ARHGAP26: variants seen among roughly 807,000 people sequenced by gnomAD.
The protein encoded by ARHGAP26 is Rho GTPase activating protein 26, also known as rho GTPase-activating protein 26.
In ARHGAP26, 38 loss-of-function variants were observed where a neutral mutation model predicts 104.8. The ratio of observed to expected loss-of-function variants is 0.36; its 90% confidence interval spans 0.28 to 0.48. The LOEUF (loss-of-function observed/expected upper bound fraction) is 0.48. ARHGAP26 is among the 20% of genes least tolerant of loss of function. ARHGAP26 has a pLI of 0.99. For missense variants in ARHGAP26, 704 were observed against 947.9 expected (o/e 0.74, Z 3.38); for synonymous variants, 341 against 340.0 (o/e 1.00, Z -0.03).
chr5:142,879,279 A>G, intron 3 of ARHGAP26, 95 bp from the exon 4 acceptor site: 1 of 1,149,568 alleles, frequency 8.7e-7, no homozygotes, highest in Non-Finnish European at 1.3e-6. Context: ...ATTTTATTTT[A>G]AGACATGGGG....
At chr5:143,132,874 A>C (rs555805481) in intron 18 of ARHGAP26, among the ~76,000 whole-genome samples, 134 of 150,572 alleles carry the variant, frequency 8.9e-4, no homozygotes, top group African/African-American at 3.0e-3. Context: ...AAAAAAAAAA[A>C]AAAACTGTTA....
intron 14 of ARHGAP26, among the ~76,000 whole-genome samples, chr5:143,049,636 G>T (rs1197750041): frequency 6.6e-6 from 1 of 152,042 alleles, no homozygotes; most frequent in African/African-American, 2.4e-5. Context: ...TTGCTTTTAA[G>T]CTCACTGTGG....
chr5:143,114,401 A>G (rs188507045), intron 17 of ARHGAP26, among the ~76,000 whole-genome samples: 1 of 152,302 alleles, frequency 6.6e-6, no homozygotes, highest in Non-Finnish European at 1.5e-5. Context: ...GGTAGAAAAC[A>G]TGCAGTGAGT....
At chr5:143,212,988 A>T (rs1232126753) in intron 21 of ARHGAP26, among the ~76,000 whole-genome samples, 1 of 152,196 alleles carries the variant, frequency 6.6e-6, no homozygotes, top group East Asian at 1.9e-4. Flanking sequence ...TACTAAAAAT[A>T]CAATAAATTA....
chr5:142,790,016 C>G (rs180672995), intron 1 of ARHGAP26, among the ~76,000 whole-genome samples: 92 of 152,250 alleles, frequency 6.0e-4, no homozygotes, highest in Middle Eastern at 3.4e-3. Context: ...CTTTATTAAT[C>G]CAGTCAACAA....
At chr5:142,991,578 G>GA (rs2152756861) in intron 11 of ARHGAP26, among the ~76,000 whole-genome samples, 1 of 152,150 alleles carries the variant, frequency 6.6e-6, no homozygotes, top group Non-Finnish European at 1.5e-5. Context: ...TTCCTATTTG[G>GA]CCATCTTGGA....
At chr5:142,889,625 G>C (rs1275129478) in intron 5 of ARHGAP26, among the ~76,000 whole-genome samples, 1 of 151,802 alleles carries the variant, frequency 6.6e-6, no homozygotes, top group Admixed American at 6.6e-5. Context: ...CTCAAGAAAG[G>C]AATAGATAAG....
At chr5:142,850,349 C>A (rs1265175375) in intron 1 of ARHGAP26, among the ~76,000 whole-genome samples, 1 of 152,186 alleles carries the variant, frequency 6.6e-6, no homozygotes, top group Non-Finnish European at 1.5e-5. Context: ...AGTTTCTCCT[C>A]TGACTGAATT....
At chr5:142,918,242 G>A (rs1207207269) in intron 10 of ARHGAP26, among the ~76,000 whole-genome samples, 1 of 152,054 alleles carries the variant, frequency 6.6e-6, no homozygotes, top group African/African-American at 2.4e-5. Context: ...TGCCTCCCGG[G>A]TTCAAGCGAT....
chr5:143,082,009 C>CAAAA (rs71576162), intron 17 of ARHGAP26, among the ~76,000 whole-genome samples: 6 of 38,272 alleles, frequency 1.6e-4, no homozygotes, highest in African/African-American at 3.7e-4. Flanking sequence ...GACTCCATCT[C>CAAAA]AAAAAAAAAA....
At chr5:142,855,591 G>T (rs1335135761) in intron 1 of ARHGAP26, among the ~76,000 whole-genome samples, 2 of 152,184 alleles carry the variant, frequency 1.3e-5, no homozygotes, top group African/African-American at 2.4e-5. Flanking sequence ...CCTGCTGGCT[G>T]CCCGTTATGT....
intron 1 of ARHGAP26, among the ~76,000 whole-genome samples, chr5:142,790,084 T>C (rs571716924): frequency 1.2e-4 from 18 of 152,326 alleles, no homozygotes; most frequent in African/African-American, 4.3e-4. Context: ...GGGGTTAGCT[T>C]TGAACAAGAT....
At chr5:142,884,032 C>T (rs1452556987) in intron 4 of ARHGAP26, among the ~76,000 whole-genome samples, 1 of 152,172 alleles carries the variant, frequency 6.6e-6, no homozygotes, top group African/African-American at 2.4e-5. Context: ...CTCTTCTAGG[C>T]TTTGGAGTTG....
intron 20 of ARHGAP26, among the ~76,000 whole-genome samples, chr5:143,152,706 G>C (rs1799993103): frequency 2.0e-5 from 3 of 152,188 alleles, no homozygotes; most frequent in Admixed American, 6.5e-5. Flanking sequence ...CCAGGCCCAG[G>C]CCACAATGCC....
At chr5:143,023,316 G>T (rs1444751369) in intron 12 of ARHGAP26, among the ~76,000 whole-genome samples, 1 of 152,184 alleles carries the variant, frequency 6.6e-6, no homozygotes, top group East Asian at 1.9e-4. Flanking sequence ...GTTTCCTATT[G>T]TTGTGCCTCT....
rs769590245 is a variant in ARHGAP26 at position 142,903,657 on chromosome 5, G to T, written c.820G>T (p.Val274Leu). The change falls in exon 8 of 23, where the codon GTG becomes TTG. Residue 274 changes from valine to leucine, a missense_variant. Physicochemically the swap from Val to Leu is conservative, Grantham distance 32. Transcript: ENST00000645722. ...SPYTMEGYLY[V>L]QEKRHFGTSW... ...CTACACCATGGAGGGATACCTCTAC[G>T]TGCAGGAGAAACGTGAGTGCTTTGA... The T allele has an allele frequency of 1.2e-6, 2 of 1,613,614 alleles. No individual in the cohort carries two copies. Among genetic ancestry groups the T allele is most frequent in the Admixed American group, 1.7e-5 (1 of 59,914 alleles).
chr5:142,885,826 AT>A (rs1757621422), intron 5 of ARHGAP26, among the ~76,000 whole-genome samples: 1 of 151,422 alleles, frequency 6.6e-6, no homozygotes, highest in African/African-American at 2.4e-5. Flanking sequence ...CTTAATATTG[AT>A]TTTTTCATTA....
intron 14 of ARHGAP26, among the ~76,000 whole-genome samples, chr5:143,050,842 C>T (rs1451013139): frequency 6.6e-6 from 1 of 152,164 alleles, no homozygotes; most frequent in Non-Finnish European, 1.5e-5. Flanking sequence ...TAATCACAAT[C>T]CTGAGTCCCC....
intron 17 of ARHGAP26, among the ~76,000 whole-genome samples, chr5:143,073,110 A>G (rs1353329475): frequency 6.6e-6 from 1 of 152,230 alleles, no homozygotes; most frequent in Non-Finnish European, 1.5e-5. Flanking sequence ...CAAACCTTTT[A>G]CAAATATCTT....
Sources: allele counts gnomAD v4.1 joint callset (sites outside exome capture counted in the v4.1 genomes callset), GRCh38; gene constraint gnomAD v4.1.1; transcripts MANE v1.5; gene names NCBI Gene and HGNC (gene_info 2026-07-23, HGNC 2026-07-21).